The following PCDH7 variants were observed in gnomAD, a reference collection of about 807,000 sequenced individuals.
PCDH7 encodes protocadherin-7.
PCDH7 carries 17 observed loss-of-function variants against 58.9 expected under a neutral mutation model. The ratio of observed to expected loss-of-function variants is 0.29; its 90% confidence interval spans 0.20 to 0.43. PCDH7 has a LOEUF of 0.43. Among genes scored for constraint, PCDH7 ranks in the 20% least tolerant of loss-of-function variants. PCDH7 has a pLI of 1.00. For missense variants in PCDH7, 1,274 were observed against 1,441.0 expected, an observed-to-expected ratio of 0.88 and a Z score of 1.88; for synonymous variants, 664 against 616.4, an observed-to-expected ratio of 1.08 and a Z score of -1.14.
intron 3 of PCDH7, among the ~76,000 whole-genome samples, chr4:31,075,787 A>G (rs1485187604): frequency 6.6e-6 from 1 of 152,188 alleles, no homozygotes; most frequent in Non-Finnish European, 1.5e-5. Context: ...TTTTCAATCC[A>G]GAAGTTAATC....
chr4:31,060,955 G>T (rs1183223844), intron 3 of PCDH7, among the ~76,000 whole-genome samples: 1 of 151,650 alleles, frequency 6.6e-6, no homozygotes, highest in Non-Finnish European at 1.5e-5. Flanking sequence ...AACAAGATGG[G>T]TTGTTAAGTA....
At chr4:30,752,763 C>A (rs1577662235) in intron 1 of PCDH7, among the ~76,000 whole-genome samples, 1 of 119,710 alleles carries the variant, frequency 8.4e-6, no homozygotes, top group Non-Finnish European at 1.6e-5. Flanking sequence ...CCAGTCCTAT[C>A]TTCCTCTTAC....
intron 3 of PCDH7, among the ~76,000 whole-genome samples, chr4:31,071,193 G>A (rs1758517070): frequency 6.6e-6 from 1 of 151,880 alleles, no homozygotes; most frequent in South Asian, 2.1e-4. Context: ...AAAACTCTCT[G>A]GTGGAGAAAA....
At chr4:30,796,891 T>C (rs1371644839) in intron 1 of PCDH7, among the ~76,000 whole-genome samples, 1 of 152,180 alleles carries the variant, frequency 6.6e-6, no homozygotes, top group African/African-American at 2.4e-5. Context: ...TTTCTAATTT[T>C]ACATGAGTAA....
At chr4:30,736,832 G>A (rs1054359011), downstream of PCDH7, among the ~76,000 whole-genome samples, 3 of 151,940 alleles carry the variant, frequency 2.0e-5, no homozygotes, top group East Asian at 3.9e-4. Flanking sequence ...CACCGCGCCC[G>A]GCCACAAATG....
intron 1 of PCDH7, among the ~76,000 whole-genome samples, chr4:30,841,169 AT>A (rs1024271435): frequency 6.6e-6 from 1 of 152,092 alleles, no homozygotes; most frequent in Non-Finnish European, 1.5e-5. Context: ...AGAAACCTTC[AT>A]TTTTCAGTAT....
chr4:30,910,411 T>C (rs1741575143), intron 1 of PCDH7, among the ~76,000 whole-genome samples: 1 of 152,136 alleles, frequency 6.6e-6, no homozygotes, highest in Non-Finnish European at 1.5e-5. Context: ...ATTTTTGCAT[T>C]CTATCCATCT....
At chr4:30,901,438 CAA>C (rs763016708) in intron 1 of PCDH7, among the ~76,000 whole-genome samples, 2 of 152,090 alleles carry the variant, frequency 1.3e-5, no homozygotes, top group Non-Finnish European at 2.9e-5. Context: ...GTAGATTTTT[CAA>C]CCTTGCTGAC....
chr4:30,978,563 C>T (rs184296807), intron 3 of PCDH7, among the ~76,000 whole-genome samples: 2 of 152,164 alleles, frequency 1.3e-5, no homozygotes, highest in Admixed American at 6.5e-5. Context: ...TTCTTAGCTA[C>T]GTGATCTCAG....
chr4:31,033,304 T>C (rs889026525), intron 3 of PCDH7, among the ~76,000 whole-genome samples: 3 of 152,200 alleles, frequency 2.0e-5, no homozygotes, highest in Non-Finnish European at 2.9e-5. Flanking sequence ...TAACAAATTG[T>C]AAAATATTGA....
At chr4:31,102,696 G>T (rs1715054907) in intron 3 of PCDH7, among the ~76,000 whole-genome samples, 1 of 151,560 alleles carries the variant, frequency 6.6e-6, no homozygotes, top group Non-Finnish European at 1.5e-5. Flanking sequence ...AAAATCTTAT[G>T]AAAGGTGTAG....
At chr4:31,114,512 A>G (rs1230914336) in intron 3 of PCDH7, among the ~76,000 whole-genome samples, 2 of 152,134 alleles carry the variant, frequency 1.3e-5, no homozygotes, top group African/African-American at 4.8e-5. Flanking sequence ...TTGGTAATAC[A>G]AAATTGGGCT....
At position 31,071,425 on chromosome 4, in the gene PCDH7, CT is replaced by C. The variant is rs541910189; in HGVS notation, c.*8-71041del. Among the ~76,000 whole-genome samples, 33 of 151,890 alleles carry C rather than the reference CT, an allele frequency of 2.2e-4. No individual in the cohort carries two copies. In the South Asian group the frequency reaches 6.7e-3, roughly 31 times the overall value. On this transcript the variant is annotated intron_variant, in intron 3 of 3. Transcript: ENST00000509759. ...AAATCTTTGGTTGAAATGTTGTGTGCTTTTTTTGCAGGAGAGGGGGCAGCCT... is the reference window on the plus strand; with the variant it reads ...AAATCTTTGGTTGAAATGTTGTGTGCTTTTTTGCAGGAGAGGGGGCAGCCT...
chr4:30,985,423 C>T (rs28725218), intron 3 of PCDH7, among the ~76,000 whole-genome samples: 33,509 of 151,916 alleles, frequency 0.22, 4,009 homozygotes, highest in East Asian at 0.47. Flanking sequence ...GGTTATAGAA[C>T]AGGCCTTGAG....
intron 3 of PCDH7, among the ~76,000 whole-genome samples, chr4:31,103,641 A>T (rs1715182995): frequency 6.6e-6 from 1 of 152,128 alleles, no homozygotes; most frequent in Non-Finnish European, 1.5e-5. Flanking sequence ...TTCTGTCTTT[A>T]AAAATGTTGC....
chr4:30,738,731 G>T (rs1471782375), intron 1 of PCDH7, among the ~76,000 whole-genome samples: 2 of 152,072 alleles, frequency 1.3e-5, no homozygotes, highest in African/African-American at 4.8e-5. Flanking sequence ...TAAAATTTTA[G>T]TGCATTTTCA....
chr4:30,733,465 TA>T (rs1479548180), downstream of PCDH7, among the ~76,000 whole-genome samples: 1 of 152,198 alleles, frequency 6.6e-6, no homozygotes, highest in African/African-American at 2.4e-5. Context: ...AATTTTATTT[TA>T]TTTTTTTAAG....
intron 1 of PCDH7, among the ~76,000 whole-genome samples, chr4:30,839,889 T>A (rs1730984309): frequency 6.6e-6 from 1 of 152,126 alleles, no homozygotes; most frequent in African/African-American, 2.4e-5. Context: ...AAATTAAGAA[T>A]TGTAATATGG....
intron 2 of PCDH7, among the ~76,000 whole-genome samples, chr4:30,929,144 A>T (rs946015987): frequency 2.0e-5 from 3 of 152,276 alleles, no homozygotes; most frequent in African/African-American, 7.2e-5. Context: ...ATTTATTTTC[A>T]GAAGACCAGT....
Sources: gnomAD v4.1 joint callset for allele counts (sites outside exome capture counted in the v4.1 genomes callset) on GRCh38, gnomAD v4.1.1 for gene constraint, MANE v1.5 for transcripts, NCBI Gene and HGNC (gene_info 2026-07-23, HGNC 2026-07-21) for gene names.